PXK: variants seen among roughly 807,000 people sequenced by gnomAD.
PXK encodes the protein PX domain containing serine/threonine kinase like.
A neutral mutation model predicts 84.7 loss-of-function variants in PXK; 35 were observed. The observed-to-expected ratio is 0.41, with a 90% confidence interval of 0.32 to 0.55. The LOEUF is 0.55. Among genes scored for constraint, PXK ranks in the 20% least tolerant of loss-of-function variants. PXK has a pLI of 0.21. For synonymous variants in PXK, 253 were observed against 260.8 expected, an observed-to-expected ratio of 0.97 and a Z score of 0.29; for missense variants, 634 against 699.7, an observed-to-expected ratio of 0.91 and a Z score of 1.06.
intron 1 of PXK, among the ~76,000 whole-genome samples, chr3:58,361,920 A>G (rs1286106982): frequency 3.9e-5 from 6 of 152,214 alleles, no homozygotes. Flanking sequence ...GAAACTTCCA[A>G]ACTGTTCTGG....
chr3:58,375,626 A>G (rs888690800), intron 3 of PXK, among the ~76,000 whole-genome samples: 6 of 152,210 alleles, frequency 3.9e-5, no homozygotes, highest in Non-Finnish European at 8.8e-5. Context: ...CTCCATGTCT[A>G]CGTGGATTTT....
chr3:58,378,513 TGTGTGTGTGTGTGTGTGTGTGTG>T (rs2098467073), intron 3 of PXK, among the ~76,000 whole-genome samples: 46 of 25,266 alleles, frequency 1.8e-3, no homozygotes, highest in African/African-American at 6.1e-3. Flanking sequence ...TTTTTTTTTT[TGTGTGTGTGTGTGTGTGTGTGTG>T]TGTGTGTGTG....
intron 1 of PXK, among the ~76,000 whole-genome samples, chr3:58,339,963 T>C (rs1036745362): frequency 5.9e-5 from 9 of 151,768 alleles, no homozygotes; most frequent in African/African-American, 1.9e-4. Flanking sequence ...TACAGGCGAC[T>C]GCCACCATGC....
chr3:58,408,462 T>C (rs1016307309), intron 13 of PXK, among the ~76,000 whole-genome samples: 1 of 152,138 alleles, frequency 6.6e-6, no homozygotes, highest in African/African-American at 2.4e-5. Flanking sequence ...GTGTTAGGGA[T>C]ACCAAAAGTG....
In PXK at chr3:58,425,143, G is replaced by A. The variant is rs1217416380; in HGVS notation, c.*183G>A. Reference sequence around the variant, plus strand: ...TAATTCTTTAAGCAGAATAAAGTTAGGCTGGCATTGCTCCCTTAAGATCTT... The same window carrying A: ...TAATTCTTTAAGCAGAATAAAGTTAAGCTGGCATTGCTCCCTTAAGATCTT... On this transcript the variant is annotated 3_prime_UTR_variant, in exon 18 of 18. Coordinates refer to ENST00000356151, the MANE Select transcript of PXK (RefSeq NM_017771.5). 2 of 914,984 alleles carry A rather than the reference G, an allele frequency of 2.2e-6. No individual in the cohort carries two copies. The highest frequency in any genetic ancestry group is 3.2e-6 in the Non-Finnish European group (2 of 621,448). The allele number at this position is 914,984 out of a possible 1,614,324, so 56.7% of individuals were successfully genotyped here. A position where few individuals can be genotyped will look rare whatever the true frequency, so the allele number is the denominator to read the frequency against.
intron 17 of PXK, among the ~76,000 whole-genome samples, chr3:58,420,032 T>TC (rs2061581040): frequency 6.6e-6 from 1 of 152,138 alleles, no homozygotes; most frequent in African/African-American, 2.4e-5. Flanking sequence ...CTGCTCACAC[T>TC]CCTCCCAACT....
At chr3:58,423,347 C>A (rs2062235576) in intron 17 of PXK, 5 of 1,473,582 alleles carry the variant, frequency 3.4e-6, no homozygotes, top group Non-Finnish European at 4.6e-6. Context: ...TGTGTAGAAC[C>A]AATGAACATG....
At chr3:58,344,099 G>T (rs952978039) in intron 1 of PXK, among the ~76,000 whole-genome samples, 6 of 152,168 alleles carry the variant, frequency 3.9e-5, no homozygotes, top group Non-Finnish European at 2.9e-5. Context: ...GATTTCTCCA[G>T]CCTCAGTTTC....
Position 58,414,658 on chromosome 3 carries a change from C to T in PXK, c.1528+1695C>T, listed in dbSNP as rs114379959. On this transcript the variant is annotated intron_variant, in intron 17 of 17. Transcript: ENST00000356151. The surrounding 1 kb of genome is among the most constrained non-coding windows in gnomAD (Gnocchi z 4.5). ...ATTTAGAAGGAAAGCACATGTGAGGCCCCAGCACAATGCCTGGCAGAGTGA... is the reference window on the plus strand; with the variant it reads ...ATTTAGAAGGAAAGCACATGTGAGGTCCCAGCACAATGCCTGGCAGAGTGA... 0.039 allele frequency: 5,976 copies of T among 152,188 alleles called. 194 individuals carry two copies. Among genetic ancestry groups the T allele is most frequent in the Admixed American group, 0.063 (969 of 15,280 alleles). 9.4% of individuals were successfully genotyped at this position (152,188 alleles called of 1,614,324 possible). A position where few individuals can be genotyped will look rare whatever the true frequency, so the allele number is the denominator to read the frequency against.
At position 58,401,562 on chromosome 3, in the gene PXK, G is replaced by A. The variant is rs943827749; in HGVS notation, c.1181+2185G>A. Among the ~76,000 whole-genome samples the A allele has an allele frequency of 6.6e-6, 1 of 152,128 alleles. No individual in the cohort carries two copies. The highest frequency in any genetic ancestry group is 1.5e-5 in the Non-Finnish European group (1 of 68,026). On this transcript the variant is annotated intron_variant, in intron 12 of 17. Coordinates refer to ENST00000356151, the MANE Select transcript of PXK (RefSeq NM_017771.5). The surrounding 1 kb of genome is among the most constrained non-coding windows in gnomAD (Gnocchi z 4.4). Reference sequence around the variant, plus strand: ...AATCGCTTGAGCCTAGGAATTTGAGGTTGCAGTGAGCTGTGAACTCACCAC... The same window carrying A: ...AATCGCTTGAGCCTAGGAATTTGAGATTGCAGTGAGCTGTGAACTCACCAC...
At chr3:58,387,831 A>G (rs926994357) in intron 4 of PXK, among the ~76,000 whole-genome samples, 1 of 152,018 alleles carries the variant, frequency 6.6e-6, no homozygotes, top group Admixed American at 6.6e-5. Context: ...GTCCTGGCTA[A>G]TGGAGCAGAA....
In PXK at chr3:58,383,702, G is replaced by C. The variant is rs2098526341; in HGVS notation, c.388+1002G>C. ...AGAAACTAAATACTTAATACATTCT[G>C]GTGTCACTTTGAAAAGAACAGTAGA... On this transcript the variant is annotated intron_variant, in intron 4 of 17. Coordinates refer to ENST00000356151, the MANE Select transcript of PXK (RefSeq NM_017771.5). The surrounding 1 kb of genome is among the most constrained non-coding windows in gnomAD (Gnocchi z 4.0). Among the ~76,000 whole-genome samples the C allele has an allele frequency of 6.6e-6, 1 of 152,126 alleles. No individual in the cohort carries two copies. The highest frequency in any genetic ancestry group is 2.1e-4 in the South Asian group (1 of 4,828).
Position 58,366,139 on chromosome 3 carries a change from C to CACACACAATT in PXK, c.153+215_153+216insACACACAATT, listed in dbSNP as rs1464252256. Among the ~76,000 whole-genome samples, 5 of 152,212 alleles carry CACACACAATT rather than the reference C, an allele frequency of 3.3e-5. No individual in the cohort carries two copies. The East Asian group carries it at 9.6e-4, about 29-fold the overall frequency. The stretch of plus-strand genomic sequence containing the variant: ...GTTAAATTGTGTGTGATTGATATTA[C>CACACACAATT]TATGGAGGGTATCTAGGAATTTGTT... On this transcript the variant is annotated intron_variant, in intron 2 of 17. Coordinates refer to ENST00000356151, the MANE Select transcript of PXK (RefSeq NM_017771.5).
rs1047277398 is a variant in PXK, at chr3:58,401,537, A to T, written c.1181+2160A>T. On this transcript the variant is annotated intron_variant, in intron 12 of 17. Transcript: ENST00000356151. The surrounding 1 kb of genome is among the most constrained non-coding windows in gnomAD (Gnocchi z 4.4). ...GCTACTTGGAAGGCTGAGGTGGTAG[A>T]ATCGCTTGAGCCTAGGAATTTGAGG... 1.2e-4 allele frequency among the ~76,000 whole-genome samples: 18 copies of T among 152,170 alleles called. No homozygotes were observed. The highest frequency in any genetic ancestry group is 4.3e-4 in the African/African-American group (18 of 41,444).
Position 58,425,093 on chromosome 3 carries a change from C to A in PXK, c.*133C>A. The A allele has an allele frequency of 7.7e-7, 1 of 1,297,734 alleles. No homozygotes were observed. The highest frequency in any genetic ancestry group is 1.0e-6 in the Non-Finnish European group (1 of 957,288). The allele number at this position is 1,297,734 out of a possible 1,614,324, so 80.4% of individuals were successfully genotyped here. A position where few individuals can be genotyped will look rare whatever the true frequency, so the allele number is the denominator to read the frequency against. ...CAAACAGTACTATTTTGCAGATGCTCATGTAAGCAGCTTTTCGAGAGAAAT... is the reference window on the plus strand; with the variant it reads ...CAAACAGTACTATTTTGCAGATGCTAATGTAAGCAGCTTTTCGAGAGAAAT... On this transcript the variant is annotated 3_prime_UTR_variant, in exon 18 of 18. Coordinates refer to ENST00000356151, the MANE Select transcript of PXK (RefSeq NM_017771.5).
At chr3:58,389,774 C>T (rs573376991) in intron 4 of PXK, among the ~76,000 whole-genome samples, 18 of 151,528 alleles carry the variant, frequency 1.2e-4, no homozygotes, top group African/African-American at 3.1e-4. Context: ...CCGAGGTGGG[C>T]GGATCACCTG....
rs1260753056 is a variant in PXK at position 58,397,132 on chromosome 3, C to G, written c.916C>G (p.Leu306Val). The G allele has an allele frequency of 6.2e-7, 1 of 1,614,186 alleles. No individual in the cohort carries two copies. Among genetic ancestry groups the G allele is most frequent in the Admixed American group, 1.7e-5 (1 of 60,022 alleles). Residue 306 changes from leucine (L) to valine (V), a missense_variant, in exon 10 of 18, where the codon CTT becomes GTT. Transcript: ENST00000356151. The surrounding 1 kb of genome is among the most constrained non-coding windows in gnomAD (Gnocchi z 4.7). ...TGGGGACACTTGCCGGCTGCTGGACCTTGAGAATTCCTTATTGGGCCTGCC... is the reference window on the plus strand; with the variant it reads ...TGGGGACACTTGCCGGCTGCTGGACGTTGAGAATTCCTTATTGGGCCTGCC... The part of the protein sequence containing the change: ...LDGDTCRLLD[L>V]ENSLLGLPSF...
At chr3:58,342,659 A>G (rs1162799699) in intron 1 of PXK, among the ~76,000 whole-genome samples, 1 of 151,560 alleles carries the variant, frequency 6.6e-6, no homozygotes, top group Non-Finnish European at 1.5e-5. Flanking sequence ...AAAGAAAAGA[A>G]AAAAAGAAAG....
chr3:58,367,263 G>A (rs1006983013), intron 2 of PXK, among the ~76,000 whole-genome samples: 1 of 134,454 alleles, frequency 7.4e-6, no homozygotes, highest in Non-Finnish European at 1.6e-5. Flanking sequence ...TTTTTTTTTT[G>A]AGACGGAGTC....
Sources: gnomAD v4.1 joint callset for allele counts (sites outside exome capture counted in the v4.1 genomes callset) on GRCh38, gnomAD v4.1.1 for gene constraint, Gnocchi (gnomAD v3.1) non-coding constraint, MANE v1.5 for transcripts, NCBI Gene and HGNC (gene_info 2026-07-23, HGNC 2026-07-21) for gene names.